CFH: variants seen among roughly 807,000 people sequenced by gnomAD.
The protein encoded by CFH is complement factor H.
A neutral mutation model predicts 147.3 loss-of-function variants in CFH; 53 were observed. The ratio of observed to expected loss-of-function variants is 0.36; its 90% CI spans 0.29 to 0.45. The LOEUF (loss-of-function observed/expected upper bound fraction) is 0.45. Among genes scored for constraint, CFH ranks in the 20% least tolerant of loss-of-function variants. The probability of loss-of-function intolerance (pLI) is 1.00; values close to 1 mark genes in which losing one functional copy is unlikely to be tolerated. For missense variants in CFH, 1,380 were observed against 1,498.0 expected (o/e 0.92, Z 1.30); for synonymous variants, 536 against 489.4 (o/e 1.10, Z -1.26).
At chr1:196,660,522 C>A (rs1666863376) in intron 1 of CFH, among the ~76,000 whole-genome samples, 1 of 152,128 alleles carries the variant, frequency 6.6e-6, no homozygotes, top group Admixed American at 6.6e-5. Context: ...GGCTAGTTAG[C>A]AGGCAAGTTT....
chr1:196,691,115 CATT>C (rs1668007166), intron 9 of CFH, among the ~76,000 whole-genome samples: 1 of 151,864 alleles, frequency 6.6e-6, no homozygotes, highest in Non-Finnish European at 1.5e-5. Context: ...GCTGTACCCT[CATT>C]ATCTGCCTAA....
At chr1:196,657,444 C>G (rs1666741572) in intron 1 of CFH, among the ~76,000 whole-genome samples, 1 of 152,134 alleles carries the variant, frequency 6.6e-6, no homozygotes, top group Non-Finnish European at 1.5e-5. Context: ...GTCAAAAATA[C>G]AGTATTGGTG....
intron 1 of CFH, among the ~76,000 whole-genome samples, chr1:196,660,364 C>T (rs2149069282): frequency 6.6e-6 from 1 of 152,246 alleles, no homozygotes. Flanking sequence ...AAGGGGTTCC[C>T]AAACCAAGGA....
chr1:196,674,113 T>G (rs1280977592), intron 3 of CFH, 151 bp downstream of exon 3: 3 of 627,548 alleles, frequency 4.8e-6, no homozygotes, highest in African/African-American at 1.8e-5. Context: ...TGGAAATAAT[T>G]AAATCTGGAT....
chr1:196,667,356 G>A (rs913702105), intron 1 of CFH, among the ~76,000 whole-genome samples: 6 of 152,132 alleles, frequency 3.9e-5, no homozygotes, highest in Non-Finnish European at 7.4e-5. Context: ...GAGTCAGTAT[G>A]AGCCAGCTCC....
chr1:196,740,142 C>T (rs1385051083), intron 17 of CFH, among the ~76,000 whole-genome samples: 1 of 152,192 alleles, frequency 6.6e-6, no homozygotes, highest in South Asian at 2.1e-4. Flanking sequence ...ATCCACAACA[C>T]GTGAGGATTA....
chr1:196,705,518 G>A (rs755685694), intron 9 of CFH, among the ~76,000 whole-genome samples: 26 of 152,292 alleles, frequency 1.7e-4, no homozygotes, highest in African/African-American at 6.0e-4. Context: ...TAACCATTAA[G>A]TAAAAATTAC....
chr1:196,690,277 C>G, intron 9 of CFH, 38 bp downstream of exon 9: 1 of 1,609,270 alleles, frequency 6.2e-7, no homozygotes, highest in Non-Finnish European at 8.5e-7. Flanking sequence ...ATGTTCATGT[C>G]TTTCTAAGTA....
At position 196,733,300 on chromosome 1, in the gene CFH, G is replaced by A. The variant is rs950493521; in HGVS notation, c.2414-3524G>A. ...CCTAAGCCCTTTCGACAGAGAAATG[G>A]AAATTGAACTTTCTCTTTCCTTTTC... On this transcript the variant is annotated intron_variant, in intron 15 of 21. Coordinates refer to ENST00000367429, the MANE Select transcript of CFH (RefSeq NM_000186.4). 1.2e-4 allele frequency among the ~76,000 whole-genome samples: 19 copies of A among 152,186 alleles called. No homozygotes were observed. In the East Asian group the frequency reaches 3.5e-3, roughly 28 times the overall value.
chr1:196,691,166 T>C (rs1238795737), intron 9 of CFH, among the ~76,000 whole-genome samples: 1 of 152,126 alleles, frequency 6.6e-6, no homozygotes, highest in South Asian at 2.1e-4. Flanking sequence ...TATTAATATG[T>C]ACATTGGAAT....
intron 6 of CFH, among the ~76,000 whole-genome samples, chr1:196,681,498 C>A (rs1667656474): frequency 7.2e-6 from 1 of 138,598 alleles, no homozygotes; most frequent in African/African-American, 2.6e-5. Flanking sequence ...ACACACACAC[C>A]CCTCAAAGAC....
At chr1:196,658,572 C>T (rs543851181) in intron 1 of CFH, among the ~76,000 whole-genome samples, 44 of 151,878 alleles carry the variant, frequency 2.9e-4, no homozygotes, top group Admixed American at 2.4e-3. Flanking sequence ...CCACCAAGCC[C>T]GGCTATTTTT....
At chr1:196,674,824 CCT>C (rs1380627823) in intron 3 of CFH, among the ~76,000 whole-genome samples, 1 of 152,068 alleles carries the variant, frequency 6.6e-6, no homozygotes, top group Non-Finnish European at 1.5e-5. Flanking sequence ...ACTACCATTT[CCT>C]CTCCTACAAA....
chr1:196,676,774 A>G (rs1339937058), intron 4 of CFH, among the ~76,000 whole-genome samples: 1 of 152,100 alleles, frequency 6.6e-6, no homozygotes. Context: ...TTTTTCATCT[A>G]TGAAAATTGG....
Position 196,685,232 on chromosome 1 carries a change from G to A in CFH, c.959G>A (p.Cys320Tyr). 1 of 1,612,782 alleles carries A rather than the reference G, an allele frequency of 6.2e-7. No individual in the cohort carries two copies. Among genetic ancestry groups the A allele is most frequent in the East Asian group, 2.2e-5 (1 of 44,808 alleles). Residue 320 changes from cysteine (C) to tyrosine (Y), a missense_variant, in exon 7 of 22, where the codon TGT becomes TAT. Coordinates refer to ENST00000367429, the MANE Select transcript of CFH (RefSeq NM_000186.4). Reference sequence around the variant, plus strand: ...ACTGGCTGGATACCTGCTCCGAGATGTACCTGTAAGTTCCATTCATATCTT... The same window carrying A: ...ACTGGCTGGATACCTGCTCCGAGATATACCTGTAAGTTCCATTCATATCTT... ...TSTGWIPAPR[C>Y]TLKPCDYPDI... is the part of the protein sequence containing the mutation.
chr1:196,684,649 C>T (rs1182909708), intron 6 of CFH, among the ~76,000 whole-genome samples: 3 of 151,952 alleles, frequency 2.0e-5, no homozygotes, highest in African/African-American at 7.2e-5. Flanking sequence ...GCCACAGTTA[C>T]TTCAAAGAGG....
chr1:196,730,660 C>T (rs1356301568), intron 15 of CFH, among the ~76,000 whole-genome samples: 2 of 151,726 alleles, frequency 1.3e-5, no homozygotes, highest in African/African-American at 2.4e-5. Flanking sequence ...TCTGTCTCAA[C>T]GTTGAAAGTA....
intron 9 of CFH, among the ~76,000 whole-genome samples, chr1:196,698,071 G>C (rs926961580): frequency 1.3e-5 from 2 of 151,448 alleles, no homozygotes; most frequent in East Asian, 3.9e-4. Flanking sequence ...GAGTTAATGG[G>C]TGCAGCACAC....
chr1:196,677,373 A>T lies in CFH; in HGVS notation c.428-103A>T, dbSNP rs1667491179. 23 of 1,046,788 alleles carry T rather than the reference A, an allele frequency of 2.2e-5. 1 individual carries two copies. The highest frequency in any genetic ancestry group is 2.9e-6 in the Non-Finnish European group (2 of 696,534). 64.8% of individuals were successfully genotyped at this position (1,046,788 alleles called of 1,614,324 possible). Reference sequence around the variant, plus strand: ...AAATGCTTCTAAAAATAATTTAAGTAATTTCCTCCAATCTTATCCTGAGGA... The same window carrying T: ...AAATGCTTCTAAAAATAATTTAAGTTATTTCCTCCAATCTTATCCTGAGGA... On this transcript the variant is annotated intron_variant, in intron 4 of 21. Transcript: ENST00000367429.
Sources: allele counts gnomAD v4.1 joint callset (sites outside exome capture counted in the v4.1 genomes callset), GRCh38; gene constraint gnomAD v4.1.1; transcripts MANE v1.5; gene names NCBI Gene and HGNC (gene_info 2026-07-23, HGNC 2026-07-21).